The following C12orf42 variants were observed in gnomAD, a reference collection of about 807,000 sequenced individuals.
The protein encoded by C12orf42 is chromosome 12 open reading frame 42.
In C12orf42, 25 loss-of-function variants were observed where a neutral mutation model predicts 21.6. The observed-to-expected ratio is 1.16, with a 90% CI of 0.84 to 1.62. C12orf42 has a LOEUF of 1.62. Among genes scored for constraint, C12orf42 ranks in the 40% most tolerant of loss-of-function variants. C12orf42 has a pLI of 0.00. For synonymous variants in C12orf42, 174 were observed against 175.0 expected, an observed-to-expected ratio of 0.99 and a Z score of 0.05; for missense variants, 483 against 459.3, an observed-to-expected ratio of 1.05 and a Z score of -0.47.
chr12:103,321,055 GT>G (rs1350624167), intron 4 of C12orf42, among the ~76,000 whole-genome samples: 2 of 152,170 alleles, frequency 1.3e-5, no homozygotes, highest in East Asian at 1.9e-4. Context: ...ACTTTAGAAA[GT>G]TTTTTTAAAA....
rs73187819 is a variant in C12orf42 at position 103,472,471 on chromosome 12, C to T, written c.78+5878G>A. On this transcript the variant is annotated intron_variant, in intron 2 of 5. Transcript: ENST00000548883. ...ATTTAGCAAACAATAAAATTGATAC[C>T]TCAATTATATTTTATATTCAGTTGT... Among the ~76,000 whole-genome samples, 1,008 of 152,046 alleles carry T rather than the reference C, an allele frequency of 6.6e-3. 4 individuals carry two copies. The highest frequency in any genetic ancestry group is 0.011 in the Non-Finnish European group (734 of 67,982).
the C12orf42 span, among the ~76,000 whole-genome samples, chr12:103,116,454 T>A: frequency 0.011 from 1,692 of 151,116 alleles, 35 homozygotes; most frequent in Non-Finnish European, 0.01. Flanking sequence ...CCTGCCTTGG[T>A]CTGTCAGTGT....
chr12:103,212,704 A>G, the C12orf42 span, among the ~76,000 whole-genome samples: 7 of 152,126 alleles, frequency 4.6e-5, no homozygotes, highest in Admixed American at 2.0e-4. Flanking sequence ...TAATTCTATT[A>G]TTTTATCGTT....
chr12:103,291,766 G>C (rs1308422151), intron 4 of C12orf42, among the ~76,000 whole-genome samples: 8 of 152,090 alleles, frequency 5.3e-5, no homozygotes, highest in Admixed American at 1.3e-4. Context: ...AGCGTATAAT[G>C]AGCAGTGAGA....
At chr12:103,364,014 A>C (rs990087356) in intron 4 of C12orf42, among the ~76,000 whole-genome samples, 1 of 152,152 alleles carries the variant, frequency 6.6e-6, no homozygotes, top group East Asian at 1.9e-4. Flanking sequence ...TATTTACAGA[A>C]CATTCTACCC....
chr12:103,223,668 C>T, the C12orf42 span, among the ~76,000 whole-genome samples: 4 of 152,238 alleles, frequency 2.6e-5, no homozygotes, highest in Non-Finnish European at 5.9e-5. Context: ...AGGAGTATGA[C>T]TAGACAGAAG....
At chr12:103,456,343 A>G (rs1952292028) in intron 2 of C12orf42, 1 of 152,314 alleles carries the variant, frequency 6.6e-6, no homozygotes, top group South Asian at 2.1e-4. Flanking sequence ...AGGTCCATCC[A>G]GAGACCTGTC....
chr12:103,233,294 C>T (rs544990151), downstream of C12orf42, among the ~76,000 whole-genome samples: 21 of 152,210 alleles, frequency 1.4e-4, no homozygotes, highest in African/African-American at 3.1e-4. Flanking sequence ...CAGTATCATG[C>T]GGGCTATTTT....
At chr12:103,193,593 A>G in the C12orf42 span, among the ~76,000 whole-genome samples, 1 of 152,092 alleles carries the variant, frequency 6.6e-6, no homozygotes, top group African/African-American at 2.4e-5. Flanking sequence ...TGAACAATCT[A>G]TAAGAAATGT....
intron 4 of C12orf42, among the ~76,000 whole-genome samples, chr12:103,331,151 T>C (rs1041020218): frequency 6.6e-5 from 10 of 152,210 alleles, no homozygotes; most frequent in African/African-American, 2.4e-4. Flanking sequence ...TTACTGAACA[T>C]CATAGGTTAG....
the C12orf42 span, among the ~76,000 whole-genome samples, chr12:103,076,182 T>C: frequency 1.3e-5 from 2 of 151,982 alleles, no homozygotes; most frequent in African/African-American, 4.8e-5. Flanking sequence ...TGTATACCTA[T>C]GTAACAAACC....
chr12:103,294,463 A>AAAGAAAGAAAGAAAG lies in C12orf42; in HGVS notation n.338-17254_338-17253insCTTTCTTTCTTTCTT, dbSNP rs1555245954. Among the ~76,000 whole-genome samples, 183 of 134,218 alleles carry AAAGAAAGAAAGAAAG rather than the reference A, an allele frequency of 1.4e-3. 2 individuals are homozygous for AAAGAAAGAAAGAAAG. Among genetic ancestry groups the AAAGAAAGAAAGAAAG allele is most frequent in the African/African-American group, 5.2e-3 (166 of 32,162 alleles). 88.1% of individuals were successfully genotyped at this position (134,218 alleles called of 152,430 possible). On this transcript the variant is annotated intron_variant and non_coding_transcript_variant, in intron 4 of 6. Transcript: ENST00000546526. ...GAAAGAAAGAAAGAAAGAAAGAAAGAAAGAAAGAAATAAGCAAGCAAGCAA... is the reference window on the plus strand; with the variant it reads ...GAAAGAAAGAAAGAAAGAAAGAAAGAAAGAAAGAAAGAAAGAAGAAAGAAATAAGCAAGCAAGCAA...
intron 4 of C12orf42, among the ~76,000 whole-genome samples, chr12:103,361,672 G>A (rs767502780): frequency 6.6e-6 from 1 of 152,054 alleles, no homozygotes; most frequent in African/African-American, 2.4e-5. Flanking sequence ...GGTACCTACG[G>A]TGGGAGTGAG....
chr12:103,282,947 A>C (rs1566017046), intron 4 of C12orf42, among the ~76,000 whole-genome samples: 2 of 152,182 alleles, frequency 1.3e-5, no homozygotes, highest in Admixed American at 1.3e-4. Context: ...AGCATTTTTC[A>C]AATTATTCCA....
At chr12:103,295,053 G>A (rs1208752311) in intron 4 of C12orf42, among the ~76,000 whole-genome samples, 1 of 152,134 alleles carries the variant, frequency 6.6e-6, no homozygotes, top group Non-Finnish European at 1.5e-5. Context: ...AGCTTGCTAA[G>A]GATAATGGCC....
intron 10 of C12orf42, among the ~76,000 whole-genome samples, chr12:103,258,546 T>C (rs193262514): frequency 9.0e-4 from 137 of 151,674 alleles, no homozygotes; most frequent in Middle Eastern, 3.4e-3. Flanking sequence ...TAAAAATATA[T>C]AGAGAAATCA....
chr12:103,331,003 A>G (rs962024724), intron 4 of C12orf42, among the ~76,000 whole-genome samples: 2 of 152,238 alleles, frequency 1.3e-5, no homozygotes, highest in Admixed American at 1.3e-4. Context: ...CTGCTAATAC[A>G]TGGCTTTTTC....
the C12orf42 span, among the ~76,000 whole-genome samples, chr12:103,058,979 A>T: frequency 6.6e-6 from 1 of 152,218 alleles, no homozygotes; most frequent in South Asian, 2.1e-4. Context: ...CTAAGATCAG[A>T]GCAGAACTGA....
rs7967754 is a variant in C12orf42 at position 103,322,125 on chromosome 12, G to A, written c.260-15780C>T. ...CACGCGCGTGCGTGCGCGCGCGCGC[G>A]CACACACACACACACACACACACAC... is the stretch of plus-strand genomic sequence containing the variant. On this transcript the variant is annotated intron_variant, in intron 4 of 5. Coordinates refer to ENST00000548883, the MANE Select transcript of C12orf42 (RefSeq NM_198521.5). Among the ~76,000 whole-genome samples the A allele has an allele frequency of 1.8e-3, 161 of 90,556 alleles. 1 individual carries two copies. The highest frequency in any genetic ancestry group is 6.3e-3 in the Middle Eastern group (1 of 158). The allele number at this position is 90,556 out of a possible 152,430, so 59.4% of individuals were successfully genotyped here.
Sources: allele counts gnomAD v4.1 joint callset (sites outside exome capture counted in the v4.1 genomes callset), GRCh38; gene constraint gnomAD v4.1.1; transcripts MANE v1.5; gene names NCBI Gene and HGNC (gene_info 2026-07-23, HGNC 2026-07-21).